The following CNTN4 variants were observed in gnomAD, a reference collection of about 807,000 sequenced individuals.
CNTN4 encodes the protein contactin 4, also known as contactin-4.
In CNTN4, 77 loss-of-function variants were observed where a neutral mutation model predicts 122.5. The observed-to-expected ratio is 0.63, with a 90% CI of 0.52 to 0.76. The LOEUF is 0.76. Ranked by LOEUF, CNTN4 falls within the 30% of genes least tolerant of loss-of-function variation. The pLI is 0.00. For missense variants in CNTN4, 1,256 were observed against 1,259.1 expected (o/e 1.00, Z 0.04); for synonymous variants, 512 against 447.0 (o/e 1.15, Z -1.83).
intron 3 of CNTN4, among the ~76,000 whole-genome samples, chr3:2,544,616 G>A (rs955745991): frequency 2.6e-5 from 4 of 151,936 alleles, no homozygotes; most frequent in Non-Finnish European, 2.9e-5. Context: ...GTGTGTCCGG[G>A]GTTTTATCCA....
At chr3:2,484,626 G>C (rs1045624921) in intron 3 of CNTN4, among the ~76,000 whole-genome samples, 3 of 152,220 alleles carry the variant, frequency 2.0e-5, no homozygotes, top group Admixed American at 6.5e-5. Context: ...CTGTCACCCA[G>C]AAGGCTGTGT....
intron 2 of CNTN4, among the ~76,000 whole-genome samples, chr3:2,171,949 A>G (rs995253470): frequency 1.3e-5 from 2 of 152,190 alleles, no homozygotes; most frequent in Non-Finnish European, 2.9e-5. Context: ...AGAAAGTCTC[A>G]GACTTCATTC....
At chr3:3,011,618 T>C (rs545600883) in intron 14 of CNTN4, among the ~76,000 whole-genome samples, 9 of 152,336 alleles carry the variant, frequency 5.9e-5, no homozygotes, top group African/African-American at 1.4e-4. Context: ...TTCCTTATGA[T>C]ACTTTCACTA....
At chr3:2,949,553 A>G (rs1239094440) in intron 13 of CNTN4, among the ~76,000 whole-genome samples, 1 of 151,996 alleles carries the variant, frequency 6.6e-6, no homozygotes, top group Non-Finnish European at 1.5e-5. Context: ...AGCCAATCAG[A>G]CCCTCTCCTT....
chr3:2,728,992 G>A (rs1396140753), intron 4 of CNTN4, among the ~76,000 whole-genome samples: 1 of 152,198 alleles, frequency 6.6e-6, no homozygotes, highest in African/African-American at 2.4e-5. Context: ...CAAGTTTCAG[G>A]TGCAACACCT....
Position 2,345,868 on chromosome 3 carries a change from C to T in CNTN4, c.-89+6635C>T, listed in dbSNP as rs149836981. On this transcript the variant is annotated intron_variant, in intron 3 of 24. Transcript: ENST00000418658. ...CGAATTAATCCTTTGACCATTATGG[C>T]GTGATCCTCTTTTTATTCCTGATGA... Among the ~76,000 whole-genome samples the T allele has an allele frequency of 9.9e-5, 15 of 152,236 alleles. No individual in the cohort carries two copies. In the South Asian group the frequency reaches 1.2e-3, roughly 13 times the overall value.
At chr3:2,670,882 G>T (rs1385634899) in intron 4 of CNTN4, among the ~76,000 whole-genome samples, 2 of 152,162 alleles carry the variant, frequency 1.3e-5, no homozygotes, top group South Asian at 2.1e-4. Context: ...TGAAATTCTG[G>T]TTTGAAAATT....
intron 3 of CNTN4, among the ~76,000 whole-genome samples, chr3:2,423,550 T>C (rs1468728455): frequency 1.3e-5 from 2 of 151,344 alleles, no homozygotes; most frequent in African/African-American, 4.9e-5. Flanking sequence ...TTAATAAACA[T>C]GACTAAAATG....
intron 2 of CNTN4, among the ~76,000 whole-genome samples, chr3:2,221,065 C>A (rs1258635730): frequency 6.6e-6 from 1 of 151,964 alleles, no homozygotes; most frequent in Non-Finnish European, 1.5e-5. Context: ...GTAGTCATTG[C>A]CTGCAGAGTT....
At chr3:2,993,043 A>C (rs1161449069) in intron 14 of CNTN4, among the ~76,000 whole-genome samples, 4 of 152,124 alleles carry the variant, frequency 2.6e-5, no homozygotes, top group Non-Finnish European at 5.9e-5. Context: ...GGGGTTTCAC[A>C]CTATGCTCTG....
At chr3:2,376,476 C>T (rs2045820296) in intron 3 of CNTN4, among the ~76,000 whole-genome samples, 2 of 152,058 alleles carry the variant, frequency 1.3e-5, no homozygotes, top group South Asian at 2.1e-4. Context: ...TTCACAGAGG[C>T]GGTAATATTT....
intron 7 of CNTN4, 111 bp downstream of exon 7, chr3:2,819,692 C>A (rs1044409294): frequency 1.2e-6 from 1 of 848,244 alleles, no homozygotes; most frequent in Non-Finnish European, 2.0e-6. Flanking sequence ...TAGAGATTCC[C>A]AAAGCCCCTC....
At chr3:2,747,476 A>C (rs1171478203) in intron 6 of CNTN4, among the ~76,000 whole-genome samples, 2 of 33,134 alleles carry the variant, frequency 6.0e-5, no homozygotes, top group Non-Finnish European at 4.1e-4. Context: ...GACAGCTTAC[A>C]TTTAAAAAAA....
At chr3:2,275,361 A>G (rs775751459) in intron 2 of CNTN4, among the ~76,000 whole-genome samples, 32 of 152,216 alleles carry the variant, frequency 2.1e-4, no homozygotes, top group Non-Finnish European at 4.1e-4. Flanking sequence ...GATCATGTCC[A>G]TTAGACATCC....
At chr3:2,673,143 A>G (rs565612879) in intron 4 of CNTN4, among the ~76,000 whole-genome samples, 7 of 152,282 alleles carry the variant, frequency 4.6e-5, no homozygotes, top group South Asian at 4.1e-4. Flanking sequence ...TACGCAATCT[A>G]TGGTCAAACT....
At chr3:2,144,624 G>A (rs1452006443) in intron 2 of CNTN4, among the ~76,000 whole-genome samples, 3 of 152,054 alleles carry the variant, frequency 2.0e-5, no homozygotes, top group Admixed American at 6.6e-5. Flanking sequence ...ACGGATTACC[G>A]AGGATATGAC....
chr3:3,044,291 T>G (rs980060234), intron 23 of CNTN4, among the ~76,000 whole-genome samples: 3 of 152,206 alleles, frequency 2.0e-5, no homozygotes, highest in Non-Finnish European at 2.9e-5. Flanking sequence ...AGCTACCTAT[T>G]TGCTACCTAA....
At chr3:2,322,826 A>T (rs989894403) in intron 2 of CNTN4, among the ~76,000 whole-genome samples, 21 of 152,164 alleles carry the variant, frequency 1.4e-4, no homozygotes, top group Non-Finnish European at 5.9e-5. Flanking sequence ...AGCTGTGTGT[A>T]TTTAATATTC....
At chr3:2,574,124 G>A (rs956693940) in intron 4 of CNTN4, among the ~76,000 whole-genome samples, 4 of 152,204 alleles carry the variant, frequency 2.6e-5, no homozygotes, top group Non-Finnish European at 1.5e-5. Context: ...GCTAAGGCAG[G>A]AGAATCGCCT....
Sources: gnomAD v4.1 joint callset for allele counts (sites outside exome capture counted in the v4.1 genomes callset) on GRCh38, gnomAD v4.1.1 for gene constraint, MANE v1.5 for transcripts, NCBI Gene and HGNC (gene_info 2026-07-23, HGNC 2026-07-21) for gene names.